The following ZNF423 variants were observed in gnomAD, a reference collection of about 807,000 sequenced individuals.
The protein encoded by ZNF423 is Ebf-associated zinc finger protein.
ZNF423 carries 12 observed loss-of-function variants against 95.8 expected under a neutral mutation model. That is an observed-to-expected ratio of 0.13 (90% confidence interval 0.08 to 0.20). The LOEUF (loss-of-function observed/expected upper bound fraction) is 0.20. Among genes scored for constraint, ZNF423 ranks in the 10% least tolerant of loss-of-function variants. The pLI is 1.00. For synonymous variants in ZNF423, 749 were observed against 711.9 expected, an observed-to-expected ratio of 1.05 and a Z score of -0.83; for missense variants, 1,316 against 1,737.1, an observed-to-expected ratio of 0.76 and a Z score of 4.31.
intron 3 of ZNF423, among the ~76,000 whole-genome samples, chr16:49,702,386 C>T (rs2032209777): frequency 6.6e-6 from 1 of 152,226 alleles, no homozygotes; most frequent in African/African-American, 2.4e-5. Flanking sequence ...GGAGCCACTT[C>T]GAGTGGGCCA....
chr16:49,762,367 C>T (rs1174065301), intron 2 of ZNF423, among the ~76,000 whole-genome samples: 1 of 152,184 alleles, frequency 6.6e-6, no homozygotes, highest in Non-Finnish European at 1.5e-5. Context: ...CCATCTCTGG[C>T]TATAGGAGCC....
Position 49,753,169 on chromosome 16 carries a change from G to C in ZNF423, c.101-22198C>G, listed in dbSNP as rs185252363. 1.5e-4 allele frequency among the ~76,000 whole-genome samples: 22 copies of C among 151,302 alleles called. No homozygotes were observed. The East Asian group carries it at 3.0e-3, about 20-fold the overall frequency. ...TGAGGCAGGAGAATCACTTGAACCC[G>C]GGAGGCAGAGGTTGCAGTGAGCCAA... On this transcript the variant is annotated intron_variant, in intron 2 of 7. Coordinates refer to ENST00000563137, the MANE Select transcript of ZNF423 (RefSeq NM_001379286.1).
At chr16:49,645,154 C>T (rs1346571723) in intron 3 of ZNF423, among the ~76,000 whole-genome samples, 1 of 152,140 alleles carries the variant, frequency 6.6e-6, no homozygotes, top group African/African-American at 2.4e-5. Context: ...CCAAGGAGAC[C>T]AGTTCCCGAC....
At chr16:49,568,253 C>T (rs938836549) in intron 5 of ZNF423, among the ~76,000 whole-genome samples, 4 of 152,160 alleles carry the variant, frequency 2.6e-5, no homozygotes, top group Non-Finnish European at 4.4e-5. Context: ...CATGGAACAC[C>T]ATGGAACTGC....
intron 3 of ZNF423, among the ~76,000 whole-genome samples, chr16:49,710,265 A>G (rs1384274754): frequency 6.6e-6 from 1 of 152,092 alleles, no homozygotes; most frequent in Non-Finnish European, 1.5e-5. Flanking sequence ...TCTCACCAAA[A>G]TTCTTCTTCC....
At chr16:49,610,418 G>A (rs1255462096) in intron 5 of ZNF423, among the ~76,000 whole-genome samples, 4 of 152,154 alleles carry the variant, frequency 2.6e-5, no homozygotes, top group Admixed American at 1.3e-4. Context: ...AGGGACCTAC[G>A]GGAGGTAACT....
At chr16:49,655,626 G>A (rs935190037) in intron 3 of ZNF423, among the ~76,000 whole-genome samples, 3 of 152,116 alleles carry the variant, frequency 2.0e-5, no homozygotes, top group African/African-American at 4.8e-5. Flanking sequence ...GGGGATGGGC[G>A]CACCACCTTT....
intron 3 of ZNF423, among the ~76,000 whole-genome samples, chr16:49,728,495 C>T (rs8063019): frequency 0.66 from 100,171 of 152,006 alleles, 33,523 homozygotes; most frequent in African/African-American, 0.76. Flanking sequence ...GCAGGAGTGT[C>T]GGTGGATACC....
intron 2 of ZNF423, among the ~76,000 whole-genome samples, chr16:49,771,013 G>A (rs949293337): frequency 2.6e-5 from 4 of 152,094 alleles, no homozygotes; most frequent in Non-Finnish European, 5.9e-5. Context: ...GAGGAGCAGA[G>A]AAGCCAATCT....
intron 3 of ZNF423, among the ~76,000 whole-genome samples, chr16:49,644,367 C>T (rs1351773061): frequency 6.6e-6 from 1 of 151,846 alleles, no homozygotes; most frequent in African/African-American, 2.4e-5. Context: ...ATAAAAATGA[C>T]CATCCAGCCG....
At position 49,603,080 on chromosome 16, in the gene ZNF423, G is replaced by A. The variant is rs528879967; in HGVS notation, c.3601+23090C>T. Among the ~76,000 whole-genome samples, 4 of 152,266 alleles carry A rather than the reference G, an allele frequency of 2.6e-5. No homozygotes were observed. The South Asian group carries it at 6.2e-4, about 24-fold the overall frequency. On this transcript the variant is annotated intron_variant, in intron 5 of 7. Coordinates refer to ENST00000563137, the MANE Select transcript of ZNF423 (RefSeq NM_001379286.1). The surrounding 1 kb of genome is among the most constrained non-coding windows in gnomAD (Gnocchi z 4.1). ...GGAGGAGGTTCCGAAACACTGGTGC[G>A]AGAAAAGGGTCTGGATGGGAGGATA...
At chr16:49,741,987 G>A (rs757603027) in intron 2 of ZNF423, among the ~76,000 whole-genome samples, 5 of 152,198 alleles carry the variant, frequency 3.3e-5, no homozygotes, top group Non-Finnish European at 5.9e-5. Flanking sequence ...CTCCCTAAAC[G>A]TTGGAACCAT....
At chr16:49,794,236 G>GTTTTTT (rs57419300) in intron 1 of ZNF423, among the ~76,000 whole-genome samples, 2 of 140,134 alleles carry the variant, frequency 1.4e-5, no homozygotes, top group Non-Finnish European at 3.1e-5. Context: ...TTTTGTTTTT[G>GTTTTTT]TTTTTTTTTT....
chr16:49,633,174 T>A (rs1181036983), intron 4 of ZNF423, among the ~76,000 whole-genome samples: 1 of 152,226 alleles, frequency 6.6e-6, no homozygotes, highest in Non-Finnish European at 1.5e-5. Context: ...GCAAGCAACC[T>A]CATTGTGGTA....
At chr16:49,657,894 GCC>G (rs2029970169) in intron 3 of ZNF423, among the ~76,000 whole-genome samples, 1 of 152,162 alleles carries the variant, frequency 6.6e-6, no homozygotes, top group Non-Finnish European at 1.5e-5. Context: ...CTCCTCCACA[GCC>G]CCTAATCTGC....
upstream of ZNF423, chr16:49,856,230 CCCTCCTCCTCCTTCT>C (rs1227409645): frequency 5.0e-5 from 7 of 139,254 alleles, no homozygotes; most frequent in African/African-American, 1.6e-4. Flanking sequence ...GCCACCCTCA[CCCTCCTCCTCCTTCT>C]CCTCCTCCTC....
chr16:49,551,540 G>A (rs112862030), intron 5 of ZNF423, among the ~76,000 whole-genome samples: 29 of 152,284 alleles, frequency 1.9e-4, no homozygotes, highest in African/African-American at 6.7e-4. Context: ...AGGAGGTCCC[G>A]AGGCCAAACT....
intron 5 of ZNF423, among the ~76,000 whole-genome samples, chr16:49,624,920 G>A (rs561045723): frequency 6.6e-6 from 1 of 152,178 alleles, no homozygotes; most frequent in Non-Finnish European, 1.5e-5. Context: ...TCTGTGTGTG[G>A]GTTACACAAG....
chr16:49,663,111 C>T (rs538581292), intron 3 of ZNF423, among the ~76,000 whole-genome samples: 24 of 152,292 alleles, frequency 1.6e-4, no homozygotes, highest in South Asian at 8.3e-4. Context: ...CTATGCAAAG[C>T]GCACCCACCA....
Sources: gnomAD v4.1 joint callset for allele counts (sites outside exome capture counted in the v4.1 genomes callset) on GRCh38, gnomAD v4.1.1 for gene constraint, Gnocchi (gnomAD v3.1) non-coding constraint, MANE v1.5 for transcripts, NCBI Gene and HGNC (gene_info 2026-07-23, HGNC 2026-07-21) for gene names.